Variants in ATP11B observed in about 807,000 individuals in gnomAD.
ATP11B encodes ATPase phospholipid transporting 11B (putative), also known as phospholipid-transporting ATPase IF.
ATP11B carries 81 observed loss-of-function variants against 157.8 expected under a neutral mutation model. The observed-to-expected ratio is 0.51, with a 90% CI of 0.43 to 0.62. ATP11B has a LOEUF of 0.62. Ranked by LOEUF, ATP11B falls within the 20% of genes least tolerant of loss-of-function variation. ATP11B has a pLI of 0.00. For missense variants in ATP11B, 1,165 were observed against 1,402.2 expected (o/e 0.83, Z 2.70); for synonymous variants, 451 against 469.4 (o/e 0.96, Z 0.51).
At chr3:182,860,740 G>T (rs1720766091) in intron 12 of ATP11B, among the ~76,000 whole-genome samples, 1 of 151,834 alleles carries the variant, frequency 6.6e-6, no homozygotes, top group South Asian at 2.1e-4. Context: ...TATCTTTTCA[G>T]TATCTTTTGA....
intron 1 of ATP11B, among the ~76,000 whole-genome samples, chr3:182,806,112 A>G (rs1341948486): frequency 2.0e-5 from 3 of 152,186 alleles, no homozygotes; most frequent in Non-Finnish European, 2.9e-5. Flanking sequence ...CATAGTCACT[A>G]TTGAATGGGA....
At chr3:182,910,325 C>T (rs58873466) in intron 28 of ATP11B, among the ~76,000 whole-genome samples, 2,184 of 151,120 alleles carry the variant, frequency 0.014, 52 homozygotes, top group African/African-American at 0.051. Flanking sequence ...CCTGTAATCC[C>T]GGCACTTTGA....
At chr3:182,802,227 C>T (rs1303457289) in intron 1 of ATP11B, among the ~76,000 whole-genome samples, 65 of 152,174 alleles carry the variant, frequency 4.3e-4, no homozygotes, top group Admixed American at 4.3e-3. Flanking sequence ...CTACTGCTAC[C>T]TCTTACCTAG....
chr3:182,793,899 C>G (rs1715411867), intron 1 of ATP11B, 113 bp downstream of exon 1: 1 of 608,806 alleles, frequency 1.6e-6, no homozygotes, highest in South Asian at 7.1e-5. Context: ...CGTGGGCGCC[C>G]GGCTAGGCCG....
rs143204070 is a variant in ATP11B, at chr3:182,819,362, C to T, written c.28-898C>T. 9.3e-3 allele frequency among the ~76,000 whole-genome samples: 1,413 copies of T among 152,256 alleles called. 23 individuals are homozygous for T. The highest frequency in any genetic ancestry group is 0.032 in the African/African-American group (1,345 of 41,546). ...CTAGGATTACAGGCATAAGCCAGCG[C>T]GCCCGGCGTCTTTTTTCTAATATTT... On this transcript the variant is annotated intron_variant, in intron 1 of 29. Coordinates refer to ENST00000323116, the MANE Select transcript of ATP11B (RefSeq NM_014616.3).
rs1328603355 is a variant in ATP11B at position 182,901,353 on chromosome 3, A to C, written c.3318+2581A>C. 1.1e-4 allele frequency among the ~76,000 whole-genome samples: 17 copies of C among 149,722 alleles called. No homozygotes were observed. The East Asian group carries it at 2.0e-3, about 17-fold the overall frequency. The stretch of plus-strand genomic sequence containing the variant: ...GACTCCGTCTCACAAAAAAAAAAAA[A>C]CAAAAAAAAAACCTTAATTCTTTAT... On this transcript the variant is annotated intron_variant, in intron 28 of 29. Transcript: ENST00000323116.
At chr3:182,897,467 T>C in intron 27 of ATP11B, 61 bp downstream of exon 27, 1 of 1,162,162 alleles carries the variant, frequency 8.6e-7, no homozygotes, top group African/African-American at 1.6e-5. Context: ...TTTATTGTGA[T>C]AGGTTACATT....
intron 28 of ATP11B, among the ~76,000 whole-genome samples, chr3:182,913,038 G>C (rs952817848): frequency 1.3e-5 from 2 of 152,004 alleles, no homozygotes; most frequent in African/African-American, 4.8e-5. Context: ...ATTGTTAGTC[G>C]TGTGGAATAA....
In ATP11B at chr3:182,793,780, G is replaced by C; in HGVS notation, c.21G>C (p.Gln7His). The C allele has an allele frequency of 7.1e-7, 1 of 1,400,978 alleles. No individual in the cohort carries two copies. The highest frequency in any genetic ancestry group is 1.4e-5 in the South Asian group (1 of 70,094). The allele number at this position is 1,400,978 out of a possible 1,614,324, so 86.8% of individuals were successfully genotyped here. A position where few individuals can be genotyped will look rare whatever the true frequency, so the allele number is the denominator to read the frequency against. Residue 7 changes from glutamine (Q) to histidine (H), a missense_variant, in exon 1 of 30, where the codon CAG becomes CAC. Gln to His is a conservative substitution (Grantham distance 24). Around this residue, in one of 4 missense-constraint regions of ATP11B, gnomAD observed 91 missense variants for 95.8 expected, o/e 0.95. Coordinates refer to ENST00000323116, the MANE Select transcript of ATP11B (RefSeq NM_014616.3). The stretch of plus-strand genomic sequence containing the variant: ...GGGGAATGTGGCGCTGGATCCGGCA[G>C]CAGCTGGTAGGTGCCCCCGCCCCTC... MWRWIR[Q>H]QLGFDPPHQS...
At chr3:182,880,821 T>C in intron 20 of ATP11B, 58 bp from the exon 21 acceptor site, 1 of 1,080,004 alleles carries the variant, frequency 9.3e-7, no homozygotes, top group East Asian at 2.6e-5. Flanking sequence ...TAAATGACTA[T>C]ATGAATGCAA....
At chr3:182,833,763 T>C (rs1041521918) in intron 4 of ATP11B, 1 of 152,180 alleles carries the variant, frequency 6.6e-6, no homozygotes, top group African/African-American at 2.4e-5. Flanking sequence ...GGAAATATTA[T>C]TGAGTTTTGG....
intron 4 of ATP11B, 100 bp downstream of exon 4, chr3:182,829,852 C>T (rs1717994576): frequency 2.1e-6 from 3 of 1,404,478 alleles, no homozygotes; most frequent in East Asian, 2.6e-5. Flanking sequence ...AAATAATTTC[C>T]ATAAGAAAGC....
chr3:182,907,793 AT>A (rs1260451179), intron 28 of ATP11B, among the ~76,000 whole-genome samples: 4 of 152,220 alleles, frequency 2.6e-5, no homozygotes, highest in Non-Finnish European at 4.4e-5. Flanking sequence ...GTCCCCACAC[AT>A]TTAAGTTCTA....
intron 28 of ATP11B, chr3:182,908,510 G>T (rs989144979): frequency 3.9e-5 from 6 of 152,058 alleles, no homozygotes; most frequent in African/African-American, 1.4e-4. Context: ...TCTTAGGTAT[G>T]TAATACATAC....
chr3:182,871,002 T>C (rs1057486847), intron 17 of ATP11B, among the ~76,000 whole-genome samples: 1 of 151,888 alleles, frequency 6.6e-6, no homozygotes, highest in African/African-American at 2.4e-5. Context: ...CAAGTTGTTA[T>C]TAGGATATTT....
chr3:182,817,952 T>A (rs1717068288), intron 1 of ATP11B, among the ~76,000 whole-genome samples: 2 of 152,162 alleles, frequency 1.3e-5, no homozygotes, highest in Non-Finnish European at 1.5e-5. Context: ...CTTTCTTTTT[T>A]AAAAAAACTT....
Position 182,884,789 on chromosome 3 carries a change from A to G in ATP11B, c.2546A>G (p.Asn849Ser), listed in dbSNP as rs1722688436. Reference sequence around the variant, plus strand: ...AAAGAAGGAAGACAGGCTGCAAGAAACAGTGACTATGCAATAGCCAGATTT... The same window carrying G: ...AAAGAAGGAAGACAGGCTGCAAGAAGCAGTGACTATGCAATAGCCAGATTT... Reference protein sequence around the residue: ...MGKEGRQAARNSDYAIARFKF... With the variant: ...MGKEGRQAARSSDYAIARFKF... The change falls in exon 22 of 30, where the codon AAC becomes AGC. Residue 849 changes from asparagine to serine, a missense_variant. Transcript: ENST00000323116. The G allele has an allele frequency of 6.3e-7, 1 of 1,599,304 alleles. No homozygotes were observed. Among genetic ancestry groups the G allele is most frequent in the South Asian group, 1.1e-5 (1 of 87,186 alleles).
At chr3:182,797,874 C>T (rs976745453) in intron 1 of ATP11B, among the ~76,000 whole-genome samples, 2 of 151,994 alleles carry the variant, frequency 1.3e-5, no homozygotes, top group Non-Finnish European at 2.9e-5. Context: ...ACCTACGTGA[C>T]TTGCATCTGT....
At chr3:182,819,167 C>G (rs542462852) in intron 1 of ATP11B, among the ~76,000 whole-genome samples, 34 of 150,492 alleles carry the variant, frequency 2.3e-4, no homozygotes, top group African/African-American at 8.0e-4. Context: ...AGCTCCGCCT[C>G]CCGGGTTCCC....
Sources: allele counts gnomAD v4.1 joint callset (sites outside exome capture counted in the v4.1 genomes callset), GRCh38; gene constraint gnomAD v4.1.1; regional missense constraint gnomAD v4.1.1; transcripts MANE v1.5; gene names NCBI Gene and HGNC (gene_info 2026-07-23, HGNC 2026-07-21).